The following PAK2 variants were observed in gnomAD, a reference collection of about 807,000 sequenced individuals.
PAK2 encodes p21 (RAC1) activated kinase 2.
A neutral mutation model predicts 65.9 loss-of-function variants in PAK2; 21 were observed. That is an observed-to-expected ratio of 0.32 (90% confidence interval 0.23 to 0.46). The LOEUF (loss-of-function observed/expected upper bound fraction) is 0.46, where lower values mean the gene tolerates loss of function less well. Ranked by LOEUF, PAK2 falls within the 20% of genes least tolerant of loss-of-function variation. PAK2 has a pLI of 1.00. For missense variants in PAK2, 324 were observed against 642.6 expected (o/e 0.50, Z 5.36); for synonymous variants, 204 against 219.7 (o/e 0.93, Z 0.63).
rs1429776899 is a variant in PAK2, at chr3:196,820,039, T to C, written c.1154-332T>C. On this transcript the variant is annotated intron_variant, in intron 12 of 14. Coordinates refer to ENST00000327134, the MANE Select transcript of PAK2 (RefSeq NM_002577.4). This position sits in a 1 kb window ranked among gnomAD's most constrained non-coding sequence, Gnocchi z 4.6. The stretch of plus-strand genomic sequence containing the variant: ...AAAGTAGTTTCCATGACCTGACCTT[T>C]ACCTGATTCACTGCATTTAGTTTTG... Among the ~76,000 whole-genome samples, 1 of 152,220 alleles carries C rather than the reference T, an allele frequency of 6.6e-6. No individual in the cohort carries two copies. Among genetic ancestry groups the C allele is most frequent in the African/African-American group, 2.4e-5 (1 of 41,470 alleles).
chr3:196,800,531 T>C (rs1174709521), intron 2 of PAK2, among the ~76,000 whole-genome samples: 1 of 152,224 alleles, frequency 6.6e-6, no homozygotes, highest in East Asian at 1.9e-4. Context: ...GGACCTCGAT[T>C]ACCCAAACAG....
chr3:196,814,307 A>C, intron 10 of PAK2, 144 bp from the exon 11 acceptor site: 1 of 595,984 alleles, frequency 1.7e-6, no homozygotes. Context: ...GTTACGTAGC[A>C]GCTTTCCAGT....
At chr3:196,793,084 G>C (rs1028575595) in intron 2 of PAK2, among the ~76,000 whole-genome samples, 9 of 152,100 alleles carry the variant, frequency 5.9e-5, no homozygotes, top group Non-Finnish European at 1.3e-4. Context: ...GAGGAGAAGG[G>C]GGATTAGTTG....
intron 1 of PAK2, among the ~76,000 whole-genome samples, chr3:196,745,658 C>CA (rs1157680841): frequency 2.6e-5 from 4 of 151,880 alleles, no homozygotes; most frequent in Non-Finnish European, 4.4e-5. Flanking sequence ...ACTGAAAACA[C>CA]AAAAAATTAG....
Position 196,792,129 on chromosome 3 carries a change from G to A in PAK2, c.187+9296G>A, listed in dbSNP as rs1363239846. Among the ~76,000 whole-genome samples, 3 of 152,248 alleles carry A rather than the reference G, an allele frequency of 2.0e-5. No homozygotes were observed. In the East Asian group the frequency reaches 5.8e-4, roughly 29 times the overall value. ...GGACCAGTCATCTGTGACCATAGTC[G>A]TGTAAGAAAATGGCATCTTTCCCAA... On this transcript the variant is annotated intron_variant, in intron 2 of 14. Coordinates refer to ENST00000327134, the MANE Select transcript of PAK2 (RefSeq NM_002577.4).
At position 196,747,053 on chromosome 3, in the gene PAK2, TTGTC is replaced by T. The variant is rs569917797; in HGVS notation, c.-22+6898_-22+6901del. On this transcript the variant is annotated intron_variant, in intron 1 of 14. Coordinates refer to ENST00000327134, the MANE Select transcript of PAK2 (RefSeq NM_002577.4). ...CTATTTTTCTGAATTTGCCAAATGT[TTGTC>T]TACTTAGTGGTTTTTTTTACTAACC... 7.0e-4 allele frequency: 107 copies of T among 152,236 alleles called. 1 individual carries two copies. Among genetic ancestry groups the T allele is most frequent in the African/African-American group, 2.5e-3 (103 of 41,550 alleles). The allele number at this position is 152,236 out of a possible 1,614,324, so 9.4% of individuals were successfully genotyped here.
At chr3:196,812,183 C>G (rs1327126095) in intron 8 of PAK2, 36 bp from the exon 9 acceptor site, 1 of 1,240,934 alleles carries the variant, frequency 8.1e-7, no homozygotes, top group African/African-American at 1.5e-5. Flanking sequence ...AGTGATTTAT[C>G]AACCTTAAAT....
chr3:196,773,093 C>T (rs1714411892), intron 1 of PAK2, among the ~76,000 whole-genome samples: 1 of 152,134 alleles, frequency 6.6e-6, no homozygotes, highest in Non-Finnish European at 1.5e-5. Flanking sequence ...CTTCAGCAGA[C>T]AATTGAGGAA....
intron 9 of PAK2, 115 bp downstream of exon 9, chr3:196,812,382 A>G: frequency 2.7e-6 from 2 of 740,030 alleles, no homozygotes; most frequent in South Asian, 2.9e-5. Context: ...CGTTGTAAGA[A>G]TCGCTCTACG....
intron 1 of PAK2, among the ~76,000 whole-genome samples, chr3:196,761,862 G>T (rs1334125716): frequency 6.7e-6 from 1 of 150,050 alleles, no homozygotes; most frequent in Non-Finnish European, 1.5e-5. Flanking sequence ...CTCCCGGACG[G>T]GGTGGCTGCC....
intron 1 of PAK2, among the ~76,000 whole-genome samples, chr3:196,757,525 A>G (rs1468690941): frequency 6.6e-6 from 1 of 152,140 alleles, no homozygotes; most frequent in Non-Finnish European, 1.5e-5. Flanking sequence ...CTTTTCTTTT[A>G]GACCTTATTC....
intron 2 of PAK2, among the ~76,000 whole-genome samples, chr3:196,790,812 C>T (rs1302255610): frequency 1.3e-5 from 2 of 152,192 alleles, no homozygotes; most frequent in African/African-American, 4.8e-5. Context: ...TGAGTCAACA[C>T]ACCTGTGGGT....
intron 2 of PAK2, among the ~76,000 whole-genome samples, chr3:196,799,660 CT>C (rs1715359182): frequency 6.6e-6 from 1 of 152,110 alleles, no homozygotes; most frequent in Non-Finnish European, 1.5e-5. Flanking sequence ...GCCAAATGAA[CT>C]TTTATTTTTT....
At chr3:196,790,945 T>C (rs551577860) in intron 2 of PAK2, among the ~76,000 whole-genome samples, 38 of 152,354 alleles carry the variant, frequency 2.5e-4, no homozygotes, top group Admixed American at 2.0e-4. Context: ...CCTTTGTATC[T>C]GTACCTTAAG....
chr3:196,806,113 G>A (rs1278319849), intron 5 of PAK2, among the ~76,000 whole-genome samples: 3 of 151,550 alleles, frequency 2.0e-5, no homozygotes, highest in Non-Finnish European at 2.9e-5. Context: ...GGGTTTTACC[G>A]TGTTAGCCAG....
chr3:196,774,639 G>T (rs1182857840), intron 1 of PAK2, among the ~76,000 whole-genome samples: 1 of 152,188 alleles, frequency 6.6e-6, no homozygotes, highest in Admixed American at 6.5e-5. Context: ...GTGCAGTCAC[G>T]TGAGATGAAA....
At chr3:196,757,652 T>A (rs1392057931) in intron 1 of PAK2, among the ~76,000 whole-genome samples, 1 of 152,138 alleles carries the variant, frequency 6.6e-6, no homozygotes, top group Non-Finnish European at 1.5e-5. Context: ...CCTGCACCAT[T>A]CTGGCCCCAC....
At chr3:196,770,963 T>G (rs1714342739) in intron 1 of PAK2, among the ~76,000 whole-genome samples, 1 of 151,988 alleles carries the variant, frequency 6.6e-6, no homozygotes, top group South Asian at 2.1e-4. Flanking sequence ...CATTCAGTTC[T>G]AAATATTTTT....
chr3:196,759,868 G>A (rs943873576), intron 1 of PAK2, among the ~76,000 whole-genome samples: 4 of 152,012 alleles, frequency 2.6e-5, no homozygotes, highest in South Asian at 2.1e-4. Context: ...TTATACAGCC[G>A]TCCCCACTAT....
Sources: gnomAD v4.1 joint callset for allele counts (sites outside exome capture counted in the v4.1 genomes callset) on GRCh38, gnomAD v4.1.1 for gene constraint, Gnocchi (gnomAD v3.1) non-coding constraint, MANE v1.5 for transcripts, NCBI Gene and HGNC (gene_info 2026-07-23, HGNC 2026-07-21) for gene names.